KIF1B: variants seen among roughly 807,000 people sequenced by gnomAD.
The protein encoded by KIF1B is kinesin-like protein KIF1B.
Under a neutral mutation model 241.9 loss-of-function variants are expected in KIF1B, and 76 were observed. That is an observed-to-expected ratio of 0.31 (90% confidence interval 0.26 to 0.38). KIF1B has a LOEUF of 0.38. KIF1B is among the 10% of genes least tolerant of loss of function. KIF1B has a pLI of 1.00. For missense variants in KIF1B, 1,622 were observed against 2,271.4 expected, an observed-to-expected ratio of 0.71 and a Z score of 5.81; for synonymous variants, 750 against 796.7, an observed-to-expected ratio of 0.94 and a Z score of 0.99.
At chr1:10,322,007 A>T in intron 24 of KIF1B, 150 bp downstream of exon 24, 2 of 767,544 alleles carry the variant, frequency 2.6e-6, no homozygotes, top group Non-Finnish European at 4.2e-6. Context: ...TATTTAATAT[A>T]TGTGGCTGGA....
At chr1:10,284,894 G>A (rs1317946973) in intron 15 of KIF1B, among the ~76,000 whole-genome samples, 1 of 152,018 alleles carries the variant, frequency 6.6e-6, no homozygotes, top group African/African-American at 2.4e-5. Context: ...TAATGTGCTT[G>A]TTTCTTCCTT....
chr1:10,289,889 GACAA>G (rs901934325), intron 15 of KIF1B, among the ~76,000 whole-genome samples: 6 of 151,836 alleles, frequency 4.0e-5, no homozygotes, highest in Admixed American at 6.6e-5. Flanking sequence ...GTCTCAAACA[GACAA>G]ACAAACAAAC....
chr1:10,369,110 G>A (rs1388593701), intron 44 of KIF1B, among the ~76,000 whole-genome samples: 2 of 152,058 alleles, frequency 1.3e-5, no homozygotes, highest in South Asian at 2.1e-4. Context: ...CCTGTGAGTC[G>A]ACTCTGTTAA....
At position 10,365,806 on chromosome 1, in the gene KIF1B, AGCTTACAGGGCCAG is replaced by A. The variant is rs1439043951; in HGVS notation, c.4752+161_4752+174del. ...AAAGACGCAGTTCCTACCCTCAACA[AGCTTACAGGGCCAG>A]GCACAGTGCCTGATGCCTATTATCC... is the stretch of plus-strand genomic sequence containing the variant. On this transcript the variant is annotated intron_variant, in intron 43 of 48. Coordinates refer to ENST00000676179, the MANE Select transcript of KIF1B (RefSeq NM_001365951.3). The surrounding 1 kb of genome is among the most constrained non-coding windows in gnomAD (Gnocchi z 4.0). 6.6e-6 allele frequency among the ~76,000 whole-genome samples: 1 copy of A among 152,180 alleles called. No homozygotes were observed. Among genetic ancestry groups the A allele is most frequent in the African/African-American group, 2.4e-5 (1 of 41,434 alleles).
intron 5 of KIF1B, among the ~76,000 whole-genome samples, chr1:10,265,962 C>G (rs1471793416): frequency 6.6e-6 from 1 of 152,132 alleles, no homozygotes; most frequent in Non-Finnish European, 1.5e-5. Context: ...GAAAACATGT[C>G]CATAGACATT....
At chr1:10,212,470 C>T (rs1646705640) in intron 1 of KIF1B, among the ~76,000 whole-genome samples, 1 of 152,090 alleles carries the variant, frequency 6.6e-6, no homozygotes, top group African/African-American at 2.4e-5. Context: ...TTTCTATATC[C>T]TAGATGTGGA....
In KIF1B at chr1:10,348,702, C is replaced by T; in HGVS notation, c.3918C>T (p.Leu1306=). ...TTATCCATGAGAAGGGGAGCGAGCT[C>T]CATTGGAAAGATGTTCGTGAACTGG... ...VTIIHEKGSE[L]HWKDVRELVV... is the part of the protein sequence containing the mutation. Residue 1306 remains leucine (L), a synonymous_variant, in exon 37 of 49, where the codon CTC becomes CTT. Transcript: ENST00000676179. 1 of 1,614,106 alleles carries T rather than the reference C, an allele frequency of 6.2e-7. No homozygotes were observed. Among genetic ancestry groups the T allele is most frequent in the South Asian group, 1.1e-5 (1 of 91,078 alleles).
At chr1:10,276,470 T>TA in intron 12 of KIF1B, 71 bp downstream of exon 12, 1 of 988,848 alleles carries the variant, frequency 1.0e-6, no homozygotes, top group Non-Finnish European at 1.6e-6. Context: ...ATACCATGGA[T>TA]GTTTTTATGC....
chr1:10,332,956 T>C (rs1182070574), intron 27 of KIF1B, among the ~76,000 whole-genome samples: 1 of 150,918 alleles, frequency 6.6e-6, no homozygotes, highest in Non-Finnish European at 1.5e-5. Context: ...GGACAACAGG[T>C]GCATGCCACC....
intron 22 of KIF1B, chr1:10,304,520 A>C: frequency 6.2e-7 from 1 of 1,613,806 alleles, no homozygotes; most frequent in Non-Finnish European, 8.5e-7. Flanking sequence ...TTAGAGGGCA[A>C]TGCAGCCACT....
intron 2 of KIF1B, among the ~76,000 whole-genome samples, chr1:10,254,693 G>C (rs906046156): frequency 6.6e-6 from 1 of 151,594 alleles, no homozygotes; most frequent in African/African-American, 2.4e-5. Context: ...TGGCTAACAC[G>C]GTGAAACCCC....
intron 9 of KIF1B, 115 bp from the exon 10 acceptor site, chr1:10,272,899 T>C: frequency 2.4e-6 from 2 of 830,988 alleles, no homozygotes; most frequent in Non-Finnish European, 1.9e-6. Flanking sequence ...AAATGCTTTC[T>C]TGCTTGCCTT....
intron 4 of KIF1B, among the ~76,000 whole-genome samples, chr1:10,260,528 A>C (rs755848830): frequency 9.9e-5 from 15 of 152,152 alleles, no homozygotes; most frequent in Non-Finnish European, 2.9e-5. Context: ...TAAACTTTAA[A>C]ATTTTTTAAA....
chr1:10,261,760 C>T, intron 4 of KIF1B, 145 bp from the exon 5 acceptor site: 1 of 689,402 alleles, frequency 1.5e-6, no homozygotes, highest in Non-Finnish European at 2.7e-6. Flanking sequence ...TTATTCAAAG[C>T]ATTAATCGTA....
intron 14 of KIF1B, among the ~76,000 whole-genome samples, chr1:10,280,969 C>G (rs895507066): frequency 3.9e-5 from 6 of 152,214 alleles, no homozygotes; most frequent in African/African-American, 1.4e-4. Context: ...CTCTGTCCAT[C>G]CTGGTCTTTT....
At chr1:10,309,472 C>T (rs1269650852) in intron 22 of KIF1B, among the ~76,000 whole-genome samples, 1 of 147,268 alleles carries the variant, frequency 6.8e-6, no homozygotes, top group Non-Finnish European at 1.5e-5. Flanking sequence ...GTGTTGTCAA[C>T]AACTGGGGTG....
intron 19 of KIF1B, among the ~76,000 whole-genome samples, chr1:10,296,081 A>G (rs1650249739): frequency 6.6e-6 from 1 of 152,256 alleles, no homozygotes; most frequent in South Asian, 2.1e-4. Context: ...GGAGATTTGA[A>G]GGACATTAAG....
rs1337815954 is a variant in KIF1B, at chr1:10,330,499, C to T, written c.2925-4021C>T. ...TTCTTTAAAAAAAAAAAAGGTGGCT[C>T]CTGTTTTTGAATAGCTATTTTTAAG... On this transcript the variant is annotated intron_variant, in intron 27 of 48. Transcript: ENST00000676179. 2.7e-5 allele frequency among the ~76,000 whole-genome samples: 4 copies of T among 148,136 alleles called. No individual in the cohort carries two copies. The Admixed American group carries it at 2.7e-4, about 10-fold the overall frequency.
At chr1:10,336,966 T>C in intron 29 of KIF1B, 108 bp from the exon 30 acceptor site, 1 of 1,467,326 alleles carries the variant, frequency 6.8e-7, no homozygotes, top group Non-Finnish European at 9.5e-7. Context: ...GTCCATATAA[T>C]TTTCCAGTCA....
Sources: gnomAD v4.1 joint callset for allele counts (sites outside exome capture counted in the v4.1 genomes callset) on GRCh38, gnomAD v4.1.1 for gene constraint, Gnocchi (gnomAD v3.1) non-coding constraint, MANE v1.5 for transcripts, NCBI Gene and HGNC (gene_info 2026-07-23, HGNC 2026-07-21) for gene names.